The following FAM81A variants were observed in gnomAD, a reference collection of about 807,000 sequenced individuals.
FAM81A encodes family with sequence similarity 81 member A, also known as protein FAM81A.
FAM81A carries 19 observed loss-of-function variants against 46.7 expected under a neutral mutation model. The observed-to-expected ratio is 0.41, with a 90% CI of 0.28 to 0.60. The LOEUF (loss-of-function observed/expected upper bound fraction) is 0.60. FAM81A is among the 20% of genes least tolerant of loss of function. The probability of loss-of-function intolerance (pLI) is 0.34; values close to 1 mark genes in which losing one functional copy is unlikely to be tolerated. For synonymous variants in FAM81A, 183 were observed against 152.9 expected (o/e 1.20, Z -1.45); for missense variants, 377 against 453.5 (o/e 0.83, Z 1.53).
intron 3 of FAM81A, among the ~76,000 whole-genome samples, chr15:59,484,057 T>G (rs1400641152): frequency 6.6e-6 from 1 of 152,050 alleles, no homozygotes; most frequent in East Asian, 1.9e-4. Context: ...TCCACTACTC[T>G]CAAGACTACC....
intron 6 of FAM81A, among the ~76,000 whole-genome samples, chr15:59,510,684 A>G (rs2082197104): frequency 6.7e-6 from 1 of 150,138 alleles, no homozygotes; most frequent in Non-Finnish European, 1.5e-5. Flanking sequence ...AGGCTGAGGC[A>G]AGAGAATTGC....
At chr15:59,499,829 T>A (rs538064761) in intron 4 of FAM81A, among the ~76,000 whole-genome samples, 122 of 152,130 alleles carry the variant, frequency 8.0e-4, no homozygotes, top group African/African-American at 2.5e-3. Flanking sequence ...TCTTGCTGCT[T>A]TCAAATATTT....
chr15:59,467,936 C>G (rs534029801), intron 3 of FAM81A, among the ~76,000 whole-genome samples: 20 of 152,260 alleles, frequency 1.3e-4, no homozygotes, highest in African/African-American at 4.6e-4. Context: ...TGAATTTTGT[C>G]AAAGGCCTTT....
At chr15:59,401,480 A>G (rs2081070133) in intron 1 of FAM81A, 1 of 764,938 alleles carries the variant, frequency 1.3e-6, no homozygotes, top group Non-Finnish European at 2.4e-6. Flanking sequence ...ACGCAAGCCC[A>G]TTGGCCTGAT....
intron 7 of FAM81A, among the ~76,000 whole-genome samples, chr15:59,516,209 C>T (rs1453735486): frequency 6.6e-6 from 1 of 151,564 alleles, no homozygotes; most frequent in African/African-American, 2.4e-5. Context: ...TCACTGCAAC[C>T]TCGCCTCCCC....
intron 3 of FAM81A, among the ~76,000 whole-genome samples, chr15:59,476,341 G>C (rs549383607): frequency 6.6e-6 from 1 of 151,952 alleles, no homozygotes; most frequent in East Asian, 1.9e-4. Flanking sequence ...TCCTGCCTTG[G>C]TCTTCCGAAG....
chr15:59,497,943 A>C (rs1444506877), intron 4 of FAM81A, among the ~76,000 whole-genome samples: 1 of 152,162 alleles, frequency 6.6e-6, no homozygotes, highest in Non-Finnish European at 1.5e-5. Flanking sequence ...CTGCAGTTTG[A>C]ACTCTTGGGC....
intron 8 of FAM81A, among the ~76,000 whole-genome samples, chr15:59,518,100 G>A (rs912907376): frequency 1.3e-5 from 2 of 150,728 alleles, no homozygotes; most frequent in African/African-American, 4.9e-5. Context: ...AGCCTCCTGA[G>A]TAGCTGGGAT....
chr15:59,464,514 C>T (rs1249432357), intron 3 of FAM81A, among the ~76,000 whole-genome samples: 1 of 152,204 alleles, frequency 6.6e-6, no homozygotes, highest in Non-Finnish European at 1.5e-5. Context: ...GCAGTTATAA[C>T]TGGAGTGAGA....
chr15:59,506,389 G>T (rs1014861534), intron 4 of FAM81A, among the ~76,000 whole-genome samples: 3 of 152,092 alleles, frequency 2.0e-5, no homozygotes, highest in Non-Finnish European at 4.4e-5. Context: ...TAACTTACTT[G>T]TGCCTTTTGA....
chr15:59,424,357 G>A (rs1240689765), intron 2 of FAM81A, among the ~76,000 whole-genome samples: 2 of 152,010 alleles, frequency 1.3e-5, no homozygotes, highest in Non-Finnish European at 2.9e-5. Context: ...CTGGCCCAGG[G>A]CTTCATTCTG....
intron 1 of FAM81A, chr15:59,443,905 C>T (rs1417291946): frequency 6.6e-6 from 1 of 152,540 alleles, no homozygotes; most frequent in Non-Finnish European, 1.5e-5. Flanking sequence ...TCCCATAGTC[C>T]TCACCAATCA....
chr15:59,400,394 G>A (rs34144581), intron 1 of FAM81A, among the ~76,000 whole-genome samples: 20,199 of 151,998 alleles, frequency 0.13, 1,666 homozygotes, highest in Middle Eastern at 0.23. Flanking sequence ...ACTAGCCCAA[G>A]CTACTATCAT....
At chr15:59,517,320 T>A (rs1439704172) in intron 8 of FAM81A, among the ~76,000 whole-genome samples, 6 of 152,190 alleles carry the variant, frequency 3.9e-5, no homozygotes, top group African/African-American at 1.4e-4. Flanking sequence ...TTCTGAGTGC[T>A]GTCATATATG....
chr15:59,489,282 C>CATACATACATACATACATACATACATAT (rs2081956127), intron 3 of FAM81A, among the ~76,000 whole-genome samples: 1 of 149,370 alleles, frequency 6.7e-6, no homozygotes, highest in African/African-American at 2.5e-5. Context: ...TACATACATA[C>CATACATACATACATACATACATACATAT]ATACATACAT....
intron 8 of FAM81A, among the ~76,000 whole-genome samples, chr15:59,520,896 G>A (rs1416146630): frequency 6.6e-6 from 1 of 152,136 alleles, no homozygotes; most frequent in African/African-American, 2.4e-5. Context: ...TTTAGGTTGT[G>A]TATTTTGGTA....
Position 59,508,880 on chromosome 15 carries a change from C to T in FAM81A, c.561C>T (p.Asn187=). 5.0e-6 allele frequency: 8 copies of T among 1,612,014 alleles called. No homozygotes were observed. The highest frequency in any genetic ancestry group is 6.8e-6 in the Non-Finnish European group (8 of 1,178,958). The change falls in exon 6 of 9, where the codon AAC becomes AAT. Residue 187 remains asparagine (N), a synonymous_variant. Transcript: ENST00000288228. ...DAEGQISQLL[N]RVDLSISEQS... ...TTTTCCAGATTTCTCAGCTTTTGAA[C>T]AGAGTGGACTTGTCAATATCAGAGC...
At chr15:59,430,398 G>C (rs191750163) in intron 2 of FAM81A, among the ~76,000 whole-genome samples, 3 of 151,882 alleles carry the variant, frequency 2.0e-5, no homozygotes, top group African/African-American at 7.3e-5. Flanking sequence ...CTGTGTAGCT[G>C]GGATTACAGG....
rs62015052 is a variant in FAM81A at position 59,421,778 on chromosome 15, T to C, written c.-78+19420T>C. Among the ~76,000 whole-genome samples the C allele has an allele frequency of 8.2e-4, 108 of 131,770 alleles. 1 individual carries two copies. The highest frequency in any genetic ancestry group is 2.6e-3 in the South Asian group (10 of 3,814). The allele number at this position is 131,770 out of a possible 152,430, so 86.4% of individuals were successfully genotyped here. On this transcript the variant is annotated intron_variant, in intron 2 of 4. Transcript: ENST00000558348. ...ATCTATCTATCTATCTATCTATCTATCTATCTATCTATCTACCTACCTAAC... is the reference window on the plus strand; with the variant it reads ...ATCTATCTATCTATCTATCTATCTACCTATCTATCTATCTACCTACCTAAC...
Sources: allele counts gnomAD v4.1 joint callset (sites outside exome capture counted in the v4.1 genomes callset), GRCh38; gene constraint gnomAD v4.1.1; transcripts MANE v1.5; gene names NCBI Gene and HGNC (gene_info 2026-07-23, HGNC 2026-07-21).